The following PBDC1 variants were observed in gnomAD, a reference collection of about 807,000 sequenced individuals.
PBDC1 encodes the protein protein PBDC1.
PBDC1 carries 3 observed loss-of-function variants against 12.0 expected under a neutral mutation model. The observed-to-expected ratio is 0.25, with a 90% CI of 0.11 to 0.64. The LOEUF is 0.64. Among genes scored for constraint, PBDC1 ranks in the 30% least tolerant of loss-of-function variants. PBDC1 has a pLI of 0.84. For missense variants in PBDC1, 162 were observed against 168.1 expected (o/e 0.96, Z 0.20); for synonymous variants, 64 against 56.4 (o/e 1.13, Z -0.60).
At position 76,177,598 on chromosome X, in the gene PBDC1, A is replaced by G; in HGVS notation, c.410-18A>G. On this transcript the variant is annotated intron_variant, in intron 5 of 5. Transcript: ENST00000373358. ...TAAGCTGAGAGTAGGATGATAATCA[A>G]TTCTGTTCACTTTTCAGCCCCCAGG... is the stretch of plus-strand genomic sequence containing the variant. 1 of 1,158,661 alleles carries G rather than the reference A, an allele frequency of 8.6e-7. No individual in the cohort carries two copies. Among genetic ancestry groups the G allele is most frequent in the Non-Finnish European group, 1.1e-6 (1 of 873,298 alleles).
In PBDC1 at chrX:76,177,807, A is replaced by G. The variant is rs1173572637; in HGVS notation, c.601A>G (p.Lys201Glu). ...GEKGADSGEE[K>E]EEGINREDKT... ...GAAAGGAGCTGATAGTGGAGAAGAA[A>G]AAGAGGAAGGAATCAACAGAGAAGA... Residue 201 changes from lysine to glutamate, a missense_variant, in exon 6 of 6, where the codon AAA becomes GAA. Lys to Glu is a moderately conservative substitution (Grantham distance 56). Coordinates refer to ENST00000373358, the MANE Select transcript of PBDC1 (RefSeq NM_016500.5). 1 of 1,200,850 alleles carries G rather than the reference A, an allele frequency of 8.3e-7. No homozygotes were observed. Among genetic ancestry groups the G allele is most frequent in the Non-Finnish European group, 1.1e-6 (1 of 891,013 alleles).
intron 2 of PBDC1, 128 bp from the exon 3 acceptor site, chrX:76,174,762 C>A: frequency 1.9e-6 from 1 of 522,119 alleles, no homozygotes; most frequent in East Asian, 3.4e-5. Context: ...CAGTTTTTAT[C>A]ATTTGACAGT....
intron 4 of PBDC1, 22 bp from the exon 5 acceptor site, chrX:76,176,859 A>G (rs1201767036): frequency 6.6e-6 from 7 of 1,060,529 alleles, no homozygotes; most frequent in Admixed American, 2.2e-5. Context: ...TGTCAGCTAA[A>G]GCATCGTTTT....
intron 2 of PBDC1, 92 bp from the exon 3 acceptor site, chrX:76,174,798 A>T: frequency 1.5e-6 from 1 of 679,735 alleles, no homozygotes; most frequent in Non-Finnish European, 2.4e-6. Context: ...AGCCCTCTTG[A>T]GCATTAACTA....
At chrX:76,173,232 C>G in intron 1 of PBDC1, 64 bp downstream of exon 1, 15 of 971,749 alleles carry the variant, frequency 1.5e-5, no homozygotes, top group Non-Finnish European at 2.1e-5. Flanking sequence ...TTTTTTTTTT[C>G]TTTTTTGAGA....
intron 5 of PBDC1, 22 bp from the exon 6 acceptor site, chrX:76,177,594 A>G (rs202022892): frequency 7.5e-4 from 869 of 1,152,607 alleles, no homozygotes; most frequent in Middle Eastern, 2.7e-3. Context: ...TAGGATGATA[A>G]TCAATTCTGT....
intron 5 of PBDC1, 138 bp downstream of exon 5, chrX:76,177,130 C>T (rs3764752): frequency 0.066 from 27,782 of 419,826 alleles, 4,248 homozygotes; most frequent in African/African-American, 0.53. Flanking sequence ...TTTTATGTAA[C>T]TTGAAGATAG....
Position 76,173,184 on chromosome X carries a change from G to A in PBDC1, c.30+16G>A, listed in dbSNP as rs1188322889. ...TGATGAGCCGGTGAGACGCTGTTCT[G>A]GGGTCGGGTGAGTGGGGAGGTCGAG... On this transcript the variant is annotated intron_variant, in intron 1 of 5. Transcript: ENST00000373358. 8 of 1,160,106 alleles carry A rather than the reference G, an allele frequency of 6.9e-6. No individual in the cohort carries two copies. The highest frequency in any genetic ancestry group is 9.2e-6 in the Non-Finnish European group (8 of 869,156).
rs1556797142 is a variant in PBDC1 at position 76,177,921 on chromosome X, A to C, written c.*13A>C. The C allele has an allele frequency of 1.7e-6, 2 of 1,208,241 alleles. No individual in the cohort carries two copies. The highest frequency in any genetic ancestry group is 4.4e-5 in the Admixed American group (2 of 45,682). On this transcript the variant is annotated 3_prime_UTR_variant, in exon 6 of 6. Transcript: ENST00000373358. ...AAAAGCTATGTAAGGTATACAGGGA[A>C]CAGCACTCTAGAAGCTATGACTCAA...
Position 76,177,876 on chromosome X carries a change from G to A in PBDC1, c.670G>A (p.Glu224Lys), listed in dbSNP as rs781917400. Residue 224 changes from glutamate (E) to lysine (K), a missense_variant, in exon 6 of 6, where the codon GAA (glutamate) becomes AAA (lysine). Coordinates refer to ENST00000373358, the MANE Select transcript of PBDC1 (RefSeq NM_016500.5). ...AGAAAAAGGGAAAGAAGCTGACAAA[G>A]AAATCAACAAAAGTGGTGAAAAAGC... ...GGEKGKEADKEINKSGEKAM is the reference protein window; with the variant it reads ...GGEKGKEADKKINKSGEKAM The A allele has an allele frequency of 8.3e-7, 1 of 1,211,271 alleles. No individual in the cohort carries two copies. The highest frequency in any genetic ancestry group is 1.8e-5 in the South Asian group (1 of 56,853).
chrX:76,173,736 C>A, intron 2 of PBDC1, 86 bp downstream of exon 2: 1 of 562,521 alleles, frequency 1.8e-6, no homozygotes, highest in Non-Finnish European at 2.6e-6. Flanking sequence ...TATAACTTCA[C>A]GTCCTGATAA....
chrX:76,175,022 A>G (rs782561451), intron 3 of PBDC1, 73 bp downstream of exon 3: 2 of 781,460 alleles, frequency 2.6e-6, no homozygotes, highest in South Asian at 2.2e-5. Flanking sequence ...GCTTATCACT[A>G]TTCTCAGCAA....
chrX:76,175,861 T>G (rs1164238385), intron 4 of PBDC1, among the ~76,000 whole-genome samples: 2 of 111,356 alleles, frequency 1.8e-5, no homozygotes, highest in African/African-American at 6.5e-5. Context: ...ATCAGCCCTT[T>G]CAGAGGAGGA....
chrX:76,174,235 G>A (rs6647953), intron 2 of PBDC1, among the ~76,000 whole-genome samples: 17,274 of 110,950 alleles, frequency 0.16, 1,078 homozygotes, highest in African/African-American at 0.2. Context: ...AAGTGTAGGT[G>A]GACAAAGGAC....
intron 2 of PBDC1, among the ~76,000 whole-genome samples, chrX:76,174,250 A>T (rs1263973413): frequency 1.8e-5 from 2 of 111,304 alleles, no homozygotes; most frequent in Admixed American, 1.9e-4. Context: ...AAGGACATGG[A>T]TTGGCACGTG....
chrX:76,177,910 G>T lies in PBDC1; in HGVS notation c.*2G>T, dbSNP rs1325718782. 1 of 1,208,807 alleles carries T rather than the reference G, an allele frequency of 8.3e-7. No homozygotes were observed. The highest frequency in any genetic ancestry group is 2.2e-5 in the Admixed American group (1 of 45,640). ...AAAAGTGGTGAAAAAGCTATGTAAG[G>T]TATACAGGGAACAGCACTCTAGAAG... On this transcript the variant is annotated 3_prime_UTR_variant, in exon 6 of 6. Coordinates refer to ENST00000373358, the MANE Select transcript of PBDC1 (RefSeq NM_016500.5).
At position 76,173,151 on chromosome X, in the gene PBDC1, A is replaced by G. The variant is rs782789306; in HGVS notation, c.13A>G (p.Ser5Gly). 8.5e-7 allele frequency: 1 copy of G among 1,178,980 alleles called. No individual in the cohort carries two copies. Among genetic ancestry groups the G allele is most frequent in the Non-Finnish European group, 1.1e-6 (1 of 878,734 alleles). The change falls in exon 1 of 6, where the codon AGT (serine) becomes GGT (glycine). Residue 5 changes from serine (S) to glycine (G), a missense_variant. Around this residue, in one of 3 missense-constraint regions of PBDC1, gnomAD observed 41 missense variants for 28.5 expected, o/e 1.44. Coordinates refer to ENST00000373358, the MANE Select transcript of PBDC1 (RefSeq NM_016500.5). Reference protein sequence around the residue: MAATSGTDEPVSGEL... With the variant: MAATGGTDEPVSGEL... ...CGGGGGTTGCAAGATGGCGGCCACC[A>G]GTGGAACTGATGAGCCGGTGAGACG...
chrX:76,175,100 C>G, intron 3 of PBDC1, 151 bp downstream of exon 3: 1 of 502,319 alleles, frequency 2.0e-6, no homozygotes, highest in African/African-American at 2.3e-5. Flanking sequence ...AACAGAGGAG[C>G]GAAGGCAAAT....
rs1924766655 is a variant in PBDC1 at position 76,175,412 on chromosome X, G to A, written c.157-61G>A. On this transcript the variant is annotated intron_variant, in intron 3 of 5. Coordinates refer to ENST00000373358, the MANE Select transcript of PBDC1 (RefSeq NM_016500.5). The stretch of plus-strand genomic sequence containing the variant: ...CATAAAGGTTTTCTGGTGGGGATGG[G>A]GAAGATAGAAGTATAGTAAATTACA... 4 of 1,095,470 alleles carry A rather than the reference G, an allele frequency of 3.7e-6. No homozygotes were observed. The South Asian group carries it at 7.6e-5, about 21-fold the overall frequency. 90.3% of individuals were successfully genotyped at this position (1,095,470 alleles called of 1,213,427 possible).
Sources: allele counts gnomAD v4.1 joint callset (sites outside exome capture counted in the v4.1 genomes callset), GRCh38; gene constraint gnomAD v4.1.1; regional missense constraint gnomAD v4.1.1; transcripts MANE v1.5; gene names NCBI Gene and HGNC (gene_info 2026-07-23, HGNC 2026-07-21).